CSTF3: variants seen among roughly 807,000 people sequenced by gnomAD.
CSTF3 encodes CF-1 77 kDa subunit.
CSTF3 carries 29 observed loss-of-function variants against 105.8 expected under a neutral mutation model. The ratio of observed to expected loss-of-function variants is 0.27; its 90% CI spans 0.20 to 0.37. CSTF3 has a LOEUF of 0.37. CSTF3 is among the 10% of genes least tolerant of loss of function. The pLI, the probability that CSTF3 is intolerant of heterozygous loss-of-function variation, is 1.00. For missense variants in CSTF3, 357 were observed against 879.3 expected (o/e 0.41, Z 7.51); for synonymous variants, 252 against 281.9 (o/e 0.89, Z 1.06).
At chr11:33,154,142 CACTGTGGT>C (rs1673890963) in intron 1 of CSTF3, among the ~76,000 whole-genome samples, 1 of 152,070 alleles carries the variant, frequency 6.6e-6, no homozygotes, top group African/African-American at 2.4e-5. Context: ...ACATAAAAAC[CACTGTGGT>C]ACCTGTTTCA....
intron 15 of CSTF3, among the ~76,000 whole-genome samples, 187 bp downstream of exon 15, chr11:33,096,119 A>C (rs1342593985): frequency 6.6e-6 from 1 of 152,240 alleles, no homozygotes; most frequent in Non-Finnish European, 1.5e-5. Context: ...CTGCAGAGTC[A>C]AAAAACATCT....
At chr11:33,132,817 T>C (rs982696215) in intron 3 of CSTF3, among the ~76,000 whole-genome samples, 16 of 152,302 alleles carry the variant, frequency 1.1e-4, no homozygotes, top group Non-Finnish European at 5.9e-5. Flanking sequence ...TTTTTGACTA[T>C]TTGTTTACAA....
At position 33,099,060 on chromosome 11, in the gene CSTF3, A is replaced by T. The variant is rs1855253630; in HGVS notation, c.1027T>A (p.Tyr343Asn). Reference sequence around the variant, plus strand: ...TCTTCATAATCTGCATATGCAAAATAAAGAAGCATATTCTTCTTCAATAAA... The same window carrying T: ...TCTTCATAATCTGCATATGCAAAATTAAGAAGCATATTCTTCTTCAATAAA... ...STLLKKNMLL[Y>N]FAYADYEESR... The change falls in exon 12 of 21, where the codon TAT (tyrosine) becomes AAT (asparagine). Residue 343 changes from tyrosine to asparagine, a missense_variant. Tyr to Asn is a moderately radical substitution (Grantham distance 143). This residue lies in a region of CSTF3 where 206 missense variants were observed against 576.5 expected (regional missense o/e 0.36). Transcript: ENST00000323959. This position sits in a 1 kb window ranked among gnomAD's most constrained non-coding sequence, Gnocchi z 4.1. The T allele has an allele frequency of 6.3e-7, 1 of 1,574,870 alleles. No homozygotes were observed. The highest frequency in any genetic ancestry group is 1.2e-5 in the South Asian group (1 of 82,974).
At chr11:33,124,749 T>C (rs1482428453) in intron 3 of CSTF3, among the ~76,000 whole-genome samples, 2 of 152,198 alleles carry the variant, frequency 1.3e-5, no homozygotes, top group Non-Finnish European at 2.9e-5. Flanking sequence ...CAAAAATGCA[T>C]GCGTAACTTC....
chr11:33,156,232 G>C lies in CSTF3; in HGVS notation c.27+5067C>G. 1.3e-5 allele frequency among the ~76,000 whole-genome samples: 2 copies of C among 152,116 alleles called. 1 individual carries two copies. The highest frequency in any genetic ancestry group is 2.9e-5 in the Non-Finnish European group (2 of 68,018). ...AATAGGAGGCAGAAAACTAGGAAGG[G>C]CTGTTACAGAAAGATTTTGGAAAAA... is the stretch of plus-strand genomic sequence containing the variant. On this transcript the variant is annotated intron_variant, in intron 1 of 20. Coordinates refer to ENST00000323959, the MANE Select transcript of CSTF3 (RefSeq NM_001326.3).
intron 3 of CSTF3, among the ~76,000 whole-genome samples, chr11:33,120,551 A>G (rs1485612307): frequency 1.3e-5 from 2 of 151,880 alleles, no homozygotes; most frequent in South Asian, 2.1e-4. Flanking sequence ...AATTCCAAAA[A>G]TATTATTTGT....
chr11:33,132,991 T>C (rs914476751), intron 3 of CSTF3, among the ~76,000 whole-genome samples: 5 of 152,062 alleles, frequency 3.3e-5, no homozygotes, highest in African/African-American at 1.2e-4. Flanking sequence ...AAGTAACAAT[T>C]TTTAAGTTTT....
chr11:33,155,312 C>T (rs1000554191), intron 1 of CSTF3, among the ~76,000 whole-genome samples: 2 of 150,808 alleles, frequency 1.3e-5, no homozygotes, highest in African/African-American at 4.9e-5. Flanking sequence ...TGCAGCGAGC[C>T]GTGATTGCGC....
intron 20 of CSTF3, 51 bp downstream of exon 20, chr11:33,085,662 A>C: frequency 6.8e-7 from 1 of 1,465,770 alleles, no homozygotes; most frequent in Non-Finnish European, 9.6e-7. Flanking sequence ...TCTACTGCCT[A>C]TGAGACAACA....
At chr11:33,141,494 G>T in intron 3 of CSTF3, 173 bp downstream of exon 3, 4 of 1,322,132 alleles carry the variant, frequency 3.0e-6, no homozygotes, top group Non-Finnish European at 3.9e-6. Flanking sequence ...GCTTGTAAAA[G>T]ACCCAAATTT....
Position 33,141,765 on chromosome 11 carries a change from A to G in CSTF3, c.130-3T>C. On this transcript the variant is annotated splice_polypyrimidine_tract_variant and splice_region_variant and intron_variant, in intron 2 of 20. Transcript: ENST00000323959. ...CGTGCTTTGTCTATAGGTTGATTCT[A>G]AAATTGAAAACCAATAAACAGCATT... is the stretch of plus-strand genomic sequence containing the variant. 1 of 1,585,220 alleles carries G rather than the reference A, an allele frequency of 6.3e-7. No individual in the cohort carries two copies. Among genetic ancestry groups the G allele is most frequent in the Non-Finnish European group, 8.5e-7 (1 of 1,172,402 alleles).
At chr11:33,098,069 T>C (rs995121011) in intron 13 of CSTF3, among the ~76,000 whole-genome samples, 1 of 152,202 alleles carries the variant, frequency 6.6e-6, no homozygotes, top group African/African-American at 2.4e-5. Context: ...ATTATAGCAG[T>C]GGAATCCCAA....
intron 5 of CSTF3, 82 bp downstream of exon 5, chr11:33,107,821 G>T (rs1290520054): frequency 1.4e-6 from 1 of 726,912 alleles, no homozygotes; most frequent in Non-Finnish European, 2.3e-6. Flanking sequence ...CCCACTTGGG[G>T]CTAACAGAAG....
chr11:33,147,588 A>G (rs1855800821), intron 1 of CSTF3, among the ~76,000 whole-genome samples: 1 of 152,124 alleles, frequency 6.6e-6, no homozygotes. Context: ...AAAAAAAAAA[A>G]GAAATTTTAC....
intron 15 of CSTF3, among the ~76,000 whole-genome samples, chr11:33,095,694 G>A (rs1244384307): frequency 6.6e-6 from 1 of 151,132 alleles, no homozygotes; most frequent in Admixed American, 6.6e-5. Context: ...GGTGGCGGGC[G>A]CCTGTAGTCC....
chr11:33,109,681 A>T (rs1855360843), intron 3 of CSTF3, among the ~76,000 whole-genome samples: 1 of 152,212 alleles, frequency 6.6e-6, no homozygotes, highest in Non-Finnish European at 1.5e-5. Context: ...TAGCAGGTTG[A>T]GCACTGAGTA....
At chr11:33,148,797 C>T (rs1249181384) in intron 1 of CSTF3, among the ~76,000 whole-genome samples, 3 of 150,412 alleles carry the variant, frequency 2.0e-5, no homozygotes, top group Non-Finnish European at 4.4e-5. Flanking sequence ...GAATAATATT[C>T]TTAAATACAT....
At chr11:33,131,724 C>T (rs1400976379) in intron 3 of CSTF3, among the ~76,000 whole-genome samples, 7 of 150,904 alleles carry the variant, frequency 4.6e-5, no homozygotes, top group Admixed American at 6.6e-5. Context: ...TGGTGGCGGG[C>T]GCCTGTAGTC....
intron 3 of CSTF3, among the ~76,000 whole-genome samples, chr11:33,138,404 G>A (rs1855677271): frequency 6.6e-6 from 1 of 151,778 alleles, no homozygotes; most frequent in South Asian, 2.1e-4. Flanking sequence ...TCAAAATTCT[G>A]TAGGTTTTCT....
Sources: gnomAD v4.1 joint callset for allele counts (sites outside exome capture counted in the v4.1 genomes callset) on GRCh38, gnomAD v4.1.1 for gene constraint, gnomAD v4.1.1 regional missense constraint, Gnocchi (gnomAD v3.1) non-coding constraint, MANE v1.5 for transcripts, NCBI Gene and HGNC (gene_info 2026-07-23, HGNC 2026-07-21) for gene names.